The following TRAIP variants were observed in gnomAD, a reference collection of about 807,000 sequenced individuals.
TRAIP encodes E3 ubiquitin-protein ligase TRAIP.
In TRAIP, 37 loss-of-function variants were observed where a neutral mutation model predicts 65.0. The ratio of observed to expected loss-of-function variants is 0.57; its 90% CI spans 0.44 to 0.75. The LOEUF is 0.75. Among genes scored for constraint, TRAIP ranks in the 30% least tolerant of loss-of-function variants. The pLI is 0.00. For synonymous variants in TRAIP, 187 were observed against 219.1 expected (o/e 0.85, Z 1.29); for missense variants, 481 against 579.4 (o/e 0.83, Z 1.74).
Position 49,840,289 on chromosome 3 carries a change from T to C in TRAIP, c.790A>G (p.Ile264Val), listed in dbSNP as rs773313551. 1 of 1,613,920 alleles carries C rather than the reference T, an allele frequency of 6.2e-7. No individual in the cohort carries two copies. The highest frequency in any genetic ancestry group is 1.3e-5 in the African/African-American group (1 of 74,950). Residue 264 changes from isoleucine (I) to valine (V), a missense_variant, in exon 9 of 15, where the codon ATC (isoleucine) becomes GTC (valine). Coordinates refer to ENST00000331456, the MANE Select transcript of TRAIP (RefSeq NM_005879.3). ...AAGCCAGGGATGTCCCTCACCATGA[T>C]TTCCTTGTCAGCACTCTGTAAGTCC... ...QKDLQSADKE[I>V]MSLKKKLTML...
At chr3:49,840,737 G>A (rs773908303) in intron 8 of TRAIP, among the ~76,000 whole-genome samples, 20 of 152,360 alleles carry the variant, frequency 1.3e-4, no homozygotes, top group Middle Eastern at 3.4e-3. Flanking sequence ...CAGGAGCCAG[G>A]AAGAGCAGAG....
At chr3:49,841,770 G>T in intron 7 of TRAIP, 56 bp downstream of exon 7, 1 of 1,435,752 alleles carries the variant, frequency 7.0e-7, no homozygotes, top group Non-Finnish European at 9.8e-7. Flanking sequence ...GCAATGACAC[G>T]GCTGGGGCCC....
intron 1 of TRAIP, among the ~76,000 whole-genome samples, chr3:49,848,995 C>T (rs1229665151): frequency 2.0e-5 from 3 of 151,536 alleles, no homozygotes; most frequent in East Asian, 1.9e-4. Context: ...TACAGGCATG[C>T]GCGACCACGC....
chr3:49,836,677 T>A (rs1026762086), intron 10 of TRAIP, among the ~76,000 whole-genome samples: 1 of 151,794 alleles, frequency 6.6e-6, no homozygotes, highest in African/African-American at 2.4e-5. Flanking sequence ...AAAAAATTAG[T>A]TGGGCGTGGT....
intron 3 of TRAIP, 104 bp downstream of exon 3, chr3:49,847,421 A>ATCT: frequency 1.9e-6 from 1 of 524,468 alleles, no homozygotes; most frequent in Non-Finnish European, 3.4e-6. Flanking sequence ...AAAAGAGAAA[A>ATCT]GAGAAGAGAA....
chr3:49,832,026 G>A lies in TRAIP; in HGVS notation c.927C>T (p.Ser309=), dbSNP rs1176724807. 6.2e-7 allele frequency: 1 copy of A among 1,604,308 alleles called. No homozygotes were observed. Among genetic ancestry groups the A allele is most frequent in the African/African-American group, 1.3e-5 (1 of 74,436 alleles). ...VEVNLKLRRP[S]FRDDIDLNAT... is the part of the protein sequence containing the mutation. ...CATTGAGATCAATATCATCACGGAA[G>A]GATGGCCGGCGGAGCTTCAGATTCA... Residue 309 remains serine, a synonymous_variant, in exon 11 of 15, where the codon TCC becomes TCT. Transcript: ENST00000331456.
At position 49,839,827 on chromosome 3, in the gene TRAIP, T is replaced by C. The variant is rs1575393885; in HGVS notation, c.829A>G (p.Thr277Ala). ...CTGGCCACTGGTGGCAGGTTCAAGG[T>C]TTCCTGCAGCATCGTTAGCTTCTTT... ...LKKKLTMLQE[T>A]LNLPPVASET... The change falls in exon 10 of 15, where the codon ACC becomes GCC. Residue 277 changes from threonine (T) to alanine (A), a missense_variant. Thr to Ala is a moderately conservative substitution (Grantham distance 58). Transcript: ENST00000331456. 6.2e-7 allele frequency: 1 copy of C among 1,614,052 alleles called. No individual in the cohort carries two copies. The highest frequency in any genetic ancestry group is 1.7e-5 in the Admixed American group (1 of 60,006).
At position 49,855,059 on chromosome 3, in the gene TRAIP, G is replaced by T. The variant is rs1007565608; in HGVS notation, c.98+1297C>A. Among the ~76,000 whole-genome samples the T allele has an allele frequency of 4.7e-4, 71 of 151,942 alleles. 1 individual carries two copies. The highest frequency in any genetic ancestry group is 1.7e-3 in the African/African-American group (70 of 41,434). On this transcript the variant is annotated intron_variant, in intron 1 of 14. Coordinates refer to ENST00000331456, the MANE Select transcript of TRAIP (RefSeq NM_005879.3). The stretch of plus-strand genomic sequence containing the variant: ...AGCCTGTGTAACAGAGTGAGACCCT[G>T]TCTCAAAATAAAATAAAATAAAGAT...
intron 10 of TRAIP, among the ~76,000 whole-genome samples, chr3:49,839,137 C>T (rs932260007): frequency 4.6e-5 from 7 of 150,578 alleles, no homozygotes; most frequent in South Asian, 4.2e-4. Flanking sequence ...TGCAGTGAGC[C>T]GAGATAGTGC....
intron 3 of TRAIP, among the ~76,000 whole-genome samples, chr3:49,847,050 C>T (rs530564031): frequency 2.0e-5 from 3 of 151,972 alleles, no homozygotes; most frequent in African/African-American, 7.2e-5. Flanking sequence ...TATGGTGGCA[C>T]GTGCCTGTAG....
At chr3:49,841,230 G>A (rs2081836948) in intron 7 of TRAIP, among the ~76,000 whole-genome samples, 158 bp from the exon 8 acceptor site, 1 of 152,188 alleles carries the variant, frequency 6.6e-6, no homozygotes, top group Admixed American at 6.5e-5. Flanking sequence ...GCACTGTGGA[G>A]GGTCCTGCAG....
chr3:49,851,696 A>G (rs972771212), intron 1 of TRAIP, among the ~76,000 whole-genome samples: 1 of 135,636 alleles, frequency 7.4e-6, no homozygotes, highest in Non-Finnish European at 1.6e-5. Context: ...TAGCCAAAAA[A>G]ACACTTTTTT....
chr3:49,848,046 A>T, intron 2 of TRAIP, 97 bp downstream of exon 2: 1 of 1,418,446 alleles, frequency 7.0e-7, no homozygotes, highest in Non-Finnish European at 9.8e-7. Flanking sequence ...GGTCCAAAAA[A>T]GGTCAGAGAT....
chr3:49,839,871 G>C lies in TRAIP; in HGVS notation c.796-11C>G, dbSNP rs2081823119. ...CTTCTTTTTCAGGCTCTTGGGGAGG[G>C]AAAGAAAAGTGTGTGAGAGAAAGGC... On this transcript the variant is annotated splice_polypyrimidine_tract_variant and intron_variant, in intron 9 of 14. Transcript: ENST00000331456. 2 of 1,613,764 alleles carry C rather than the reference G, an allele frequency of 1.2e-6. No individual in the cohort carries two copies. Among genetic ancestry groups the C allele is most frequent in the East Asian group, 2.2e-5 (1 of 44,896 alleles).
rs575140138 is a variant in TRAIP, at chr3:49,856,476, A to C, written c.-23T>G. ...CATGATGGCTGGACTCAAGGGGCCC[A>C]GGCAGCCAAAGAAACTGCTACAGGT... On this transcript the variant is annotated 5_prime_UTR_variant, in exon 1 of 15. Transcript: ENST00000331456. The C allele has an allele frequency of 6.2e-7, 1 of 1,606,210 alleles. No individual in the cohort carries two copies. Among genetic ancestry groups the C allele is most frequent in the East Asian group, 2.2e-5 (1 of 44,652 alleles).
intron 10 of TRAIP, among the ~76,000 whole-genome samples, chr3:49,837,088 G>GCT (rs1640773219): frequency 1.3e-5 from 2 of 151,404 alleles, no homozygotes; most frequent in African/African-American, 2.4e-5. Context: ...CTCCCGAGTA[G>GCT]GTGGCCCAAG....
intron 10 of TRAIP, among the ~76,000 whole-genome samples, chr3:49,836,013 A>C (rs949537201): frequency 2.0e-5 from 3 of 151,038 alleles, no homozygotes; most frequent in Non-Finnish European, 2.9e-5. Flanking sequence ...TCCAGGCTGG[A>C]GTACAGTAGC....
chr3:49,835,014 C>T (rs2081768408), intron 10 of TRAIP, among the ~76,000 whole-genome samples: 1 of 152,064 alleles, frequency 6.6e-6, no homozygotes, highest in Non-Finnish European at 1.5e-5. Flanking sequence ...CTGACCTGGG[C>T]AACATATTAA....
chr3:49,853,182 A>T (rs2081948126), intron 1 of TRAIP, among the ~76,000 whole-genome samples: 1 of 152,206 alleles, frequency 6.6e-6, no homozygotes, highest in Non-Finnish European at 1.5e-5. Flanking sequence ...CACTATACCA[A>T]AACTGCAGAA....
Sources: gnomAD v4.1 joint callset for allele counts (sites outside exome capture counted in the v4.1 genomes callset) on GRCh38, gnomAD v4.1.1 for gene constraint, MANE v1.5 for transcripts, NCBI Gene and HGNC (gene_info 2026-07-23, HGNC 2026-07-21) for gene names.